IQCM: variants seen among roughly 807,000 people sequenced by gnomAD.
The protein encoded by IQCM is IQ motif containing M.
In IQCM, 45 loss-of-function variants were observed where a neutral mutation model predicts 57.6. The ratio of observed to expected loss-of-function variants is 0.78; its 90% CI spans 0.62 to 1.00. IQCM has a LOEUF of 1.00. IQCM is among the 50% of genes least tolerant of loss of function. The probability of loss-of-function intolerance (pLI) is 0.00; values close to 1 mark genes in which losing one functional copy is unlikely to be tolerated. For synonymous variants in IQCM, 148 were observed against 158.9 expected (o/e 0.93, Z 0.51); for missense variants, 468 against 511.6 (o/e 0.91, Z 0.82).
chr4:149,506,339 A>G (rs544948576), intron 12 of IQCM, among the ~76,000 whole-genome samples: 14 of 152,338 alleles, frequency 9.2e-5, no homozygotes, highest in Middle Eastern at 3.4e-3. Flanking sequence ...ATATATCCCT[A>G]CAAGAATTTG....
chr4:149,517,707 G>T (rs1745127361), intron 12 of IQCM, among the ~76,000 whole-genome samples: 3 of 152,250 alleles, frequency 2.0e-5, no homozygotes, highest in African/African-American at 7.2e-5. Flanking sequence ...ATCTGGGTGG[G>T]CACCATCTAA....
At position 149,491,118 on chromosome 4, in the gene IQCM, G is replaced by A. The variant is rs1355297236; in HGVS notation, c.1228+57337C>T. ...GCCTAAATTACCAGCTTTGACTTTT[G>A]AACTCCTGACCCATGTTGGAGTTTT... On this transcript the variant is annotated intron_variant, in intron 12 of 13. Transcript: ENST00000636793. Among the ~76,000 whole-genome samples, 3 of 151,930 alleles carry A rather than the reference G, an allele frequency of 2.0e-5. No homozygotes were observed. The East Asian group carries it at 5.8e-4, about 29-fold the overall frequency.
At chr4:149,543,953 T>C (rs2089070) in intron 12 of IQCM, among the ~76,000 whole-genome samples, 2,516 of 152,238 alleles carry the variant, frequency 0.017, 77 homozygotes, top group African/African-American at 0.058. Context: ...GGTACTAGGA[T>C]ATAGCAGTGG....
intron 12 of IQCM, among the ~76,000 whole-genome samples, chr4:149,521,194 G>T (rs928102861): frequency 2.0e-5 from 3 of 152,096 alleles, no homozygotes; most frequent in South Asian, 2.1e-4. Flanking sequence ...AGGTGACAAA[G>T]AATTAGTCTG....
chr4:149,355,661 G>A (rs1271933118), intron 13 of IQCM, among the ~76,000 whole-genome samples: 1 of 152,112 alleles, frequency 6.6e-6, no homozygotes, highest in African/African-American at 2.4e-5. Context: ...CATTTGGGTT[G>A]ATTCCAAGTC....
At position 149,648,039 on chromosome 4, in the gene IQCM, A is replaced by AT. The variant is rs796259831; in HGVS notation, c.566-26796dup. ...TAACAAATATGTTCATTGACAATAT[A>AT]TTTTTTCTAGAATTTCTGCTGTTCT... On this transcript the variant is annotated intron_variant, in intron 7 of 13. Coordinates refer to ENST00000636793, the MANE Select transcript of IQCM (RefSeq NM_001363507.2). Among the ~76,000 whole-genome samples the AT allele has an allele frequency of 3.9e-5, 6 of 152,074 alleles. No individual in the cohort carries two copies. The South Asian group carries it at 6.2e-4, about 16-fold the overall frequency.
At chr4:149,443,860 A>T (rs983572972) in intron 12 of IQCM, among the ~76,000 whole-genome samples, 3 of 151,994 alleles carry the variant, frequency 2.0e-5, no homozygotes, top group African/African-American at 7.2e-5. Context: ...AATATTTTTA[A>T]CTATTAATTT....
At chr4:149,379,244 G>A (rs180737156) in intron 13 of IQCM, among the ~76,000 whole-genome samples, 1,824 of 152,324 alleles carry the variant, frequency 0.012, 27 homozygotes, top group Non-Finnish European at 0.016. Context: ...CCCACACAGA[G>A]TCCTCATTGG....
intron 12 of IQCM, among the ~76,000 whole-genome samples, chr4:149,535,174 T>A (rs189787515): frequency 2.8e-4 from 43 of 152,186 alleles, no homozygotes; most frequent in East Asian, 2.1e-3. Context: ...TTGGAAGTTT[T>A]CACTTTACTG....
chr4:149,644,118 A>G (rs1210359010), intron 7 of IQCM, among the ~76,000 whole-genome samples: 2 of 152,190 alleles, frequency 1.3e-5, no homozygotes, highest in Non-Finnish European at 2.9e-5. Flanking sequence ...CTATTCCCAA[A>G]GCGTCTAGCA....
At chr4:149,521,836 T>C (rs1745676373) in intron 12 of IQCM, among the ~76,000 whole-genome samples, 1 of 152,142 alleles carries the variant, frequency 6.6e-6, no homozygotes, top group African/African-American at 2.4e-5. Context: ...GCTTGCTTTG[T>C]CTCCAGACAA....
In IQCM at chr4:149,481,701, G is replaced by GTTTTTTTTTTTTTTTTTT; in HGVS notation, c.1229-48162_1229-48145dup. Among the ~76,000 whole-genome samples, 103 of 51,550 alleles carry GTTTTTTTTTTTTTTTTTT rather than the reference G, an allele frequency of 2.0e-3. 8 individuals carry two copies. The highest frequency in any genetic ancestry group is 4.2e-3 in the East Asian group (8 of 1,884). The allele number at this position is 51,550 out of a possible 152,430, so 33.8% of individuals were successfully genotyped here. A position where few individuals can be genotyped will look rare whatever the true frequency, so the allele number is the denominator to read the frequency against. Reference sequence around the variant, plus strand: ...CATGTAATGTGATTCTTCCAGTTTTGTTTTTTTTTTTTTTTTTTTTTGCTT... The same window carrying GTTTTTTTTTTTTTTTTTT: ...CATGTAATGTGATTCTTCCAGTTTTGTTTTTTTTTTTTTTTTTTTTTTTTTTTTTTTTTTTTTTTGCTT... On this transcript the variant is annotated intron_variant, in intron 12 of 13. Coordinates refer to ENST00000636793, the MANE Select transcript of IQCM (RefSeq NM_001363507.2).
At chr4:149,764,352 G>A (rs1476156571) in intron 2 of IQCM, among the ~76,000 whole-genome samples, 5 of 152,172 alleles carry the variant, frequency 3.3e-5, no homozygotes, top group African/African-American at 1.2e-4. Flanking sequence ...AGACTGACAA[G>A]TCCTCACTAG....
chr4:149,619,107 G>GATATATATATATATATATATATATAT (rs70965194), intron 8 of IQCM, among the ~76,000 whole-genome samples: 75 of 126,734 alleles, frequency 5.9e-4, no homozygotes, highest in Non-Finnish European at 6.9e-4. Flanking sequence ...ATGTGGGATG[G>GATATATATATATATATATATATATAT]ATATATATAT....
chr4:149,563,437 T>C (rs189926769), intron 10 of IQCM, among the ~76,000 whole-genome samples: 11 of 152,184 alleles, frequency 7.2e-5, no homozygotes, highest in Admixed American at 7.2e-4. Context: ...ACACTAAAAA[T>C]TAGCTGGATG....
At chr4:149,694,985 A>C (rs1369970792) in intron 5 of IQCM, among the ~76,000 whole-genome samples, 1 of 152,222 alleles carries the variant, frequency 6.6e-6, no homozygotes, top group Non-Finnish European at 1.5e-5. Context: ...GAAACTTAAA[A>C]ATTTTAAAGT....
intron 6 of IQCM, among the ~76,000 whole-genome samples, chr4:149,684,598 A>G (rs183684847): frequency 6.6e-6 from 1 of 151,350 alleles, no homozygotes; most frequent in African/African-American, 2.4e-5. Context: ...TAATTTCCCA[A>G]CTGATTATAT....
At chr4:149,391,148 GT>G (rs1731824758) in intron 13 of IQCM, among the ~76,000 whole-genome samples, 1 of 151,846 alleles carries the variant, frequency 6.6e-6, no homozygotes, top group South Asian at 2.1e-4. Context: ...TATGAGAAGG[GT>G]TTTAACTAGT....
At chr4:149,539,249 T>C (rs939415145) in intron 12 of IQCM, among the ~76,000 whole-genome samples, 2 of 152,162 alleles carry the variant, frequency 1.3e-5, no homozygotes, top group African/African-American at 2.4e-5. Context: ...ACTTAAAATA[T>C]GTTACAACAT....
Sources: allele counts gnomAD v4.1 joint callset (sites outside exome capture counted in the v4.1 genomes callset), GRCh38; gene constraint gnomAD v4.1.1; transcripts MANE v1.5; gene names NCBI Gene and HGNC (gene_info 2026-07-23, HGNC 2026-07-21).